Variants in NOSIP observed in about 807,000 individuals in gnomAD.
The protein encoded by NOSIP is nitric oxide synthase-interacting protein.
In NOSIP, 25 loss-of-function variants were observed where a neutral mutation model predicts 36.4. The ratio of observed to expected loss-of-function variants is 0.69; its 90% CI spans 0.50 to 0.96. The LOEUF (loss-of-function observed/expected upper bound fraction) is 0.96, where lower values mean the gene tolerates loss of function less well. NOSIP is among the 40% of genes least tolerant of loss of function. The pLI, the probability that NOSIP is intolerant of heterozygous loss-of-function variation, is 0.00. For synonymous variants in NOSIP, 187 were observed against 179.2 expected, an observed-to-expected ratio of 1.04 and a Z score of -0.35; for missense variants, 370 against 429.0, an observed-to-expected ratio of 0.86 and a Z score of 1.21.
chr19:49,571,843 G>C (rs1286159952), intron 1 of NOSIP, among the ~76,000 whole-genome samples: 1 of 151,756 alleles, frequency 6.6e-6, no homozygotes, highest in Non-Finnish European at 1.5e-5. Context: ...AAATTAGCTG[G>C]GTGTGTTGGT....
intron 1 of NOSIP, among the ~76,000 whole-genome samples, chr19:49,569,838 A>AC (rs770774515): frequency 3.4e-4 from 51 of 150,136 alleles, no homozygotes; most frequent in Admixed American, 7.3e-4. Context: ...AACAACAACA[A>AC]AAAAGAACAC....
intron 1 of NOSIP, among the ~76,000 whole-genome samples, chr19:49,567,591 G>A (rs758337740): frequency 6.6e-6 from 1 of 152,166 alleles, no homozygotes; most frequent in Non-Finnish European, 1.5e-5. Flanking sequence ...CCATGCTGTG[G>A]AAAATGTGCC....
At chr19:49,569,787 G>A (rs1356643231) in intron 1 of NOSIP, among the ~76,000 whole-genome samples, 1 of 151,734 alleles carries the variant, frequency 6.6e-6, no homozygotes, top group Non-Finnish European at 1.5e-5. Flanking sequence ...CAGCCTGGGG[G>A]ACAAGAGTGA....
chr19:49,560,586 A>C lies in NOSIP; in HGVS notation c.70+36T>G. 6.6e-7 allele frequency: 1 copy of C among 1,520,232 alleles called. No homozygotes were observed. 94.2% of individuals were successfully genotyped at this position (1,520,232 alleles called of 1,614,324 possible). ...AGGGGAGAGGGTGACTCCAAGACAC[A>C]GCCATGTCCCGCCTCTTCCCACCCC... On this transcript the variant is annotated intron_variant, in intron 2 of 8. Coordinates refer to ENST00000596358, the MANE Select transcript of NOSIP (RefSeq NM_001270960.2). This position sits in a 1 kb window ranked among gnomAD's most constrained non-coding sequence, Gnocchi z 4.6.
chr19:49,568,439 CCA>C (rs142712662), intron 1 of NOSIP, among the ~76,000 whole-genome samples: 3,964 of 152,146 alleles, frequency 0.026, 89 homozygotes, highest in Non-Finnish European at 0.038. Context: ...TTGTGTATTC[CCA>C]CACACACACT....
chr19:49,556,780 G>C, intron 6 of NOSIP, 44 bp from the exon 7 acceptor site: 2 of 1,584,984 alleles, frequency 1.3e-6, no homozygotes, highest in African/African-American at 2.7e-5. Flanking sequence ...CAGGGCTGGC[G>C]CAGGTGGAGA....
At position 49,572,866 on chromosome 19, in the gene NOSIP, C is replaced by T. The variant is rs1354566685; in HGVS notation, c.-2+7649G>A. 2.1e-5 allele frequency among the ~76,000 whole-genome samples: 3 copies of T among 146,058 alleles called. No individual in the cohort carries two copies. The Admixed American group carries it at 2.1e-4, about 10-fold the overall frequency. On this transcript the variant is annotated intron_variant, in intron 1 of 8. Coordinates refer to ENST00000596358, the MANE Select transcript of NOSIP (RefSeq NM_001270960.2). The stretch of plus-strand genomic sequence containing the variant: ...GCAGGTGCCTGTAGTCCCAGCTACT[C>T]GGGAGGCTGAGGCAGGAGAATCGCT...
At chr19:49,568,465 A>G (rs957726086) in intron 1 of NOSIP, among the ~76,000 whole-genome samples, 6 of 152,206 alleles carry the variant, frequency 3.9e-5, no homozygotes, top group Admixed American at 6.6e-5. Context: ...AGCAGAGTGC[A>G]GTTTCCTGGA....
intron 1 of NOSIP, among the ~76,000 whole-genome samples, chr19:49,572,107 T>C (rs908312759): frequency 1.3e-5 from 2 of 151,814 alleles, no homozygotes; most frequent in Non-Finnish European, 2.9e-5. Context: ...TTTTCTTTTT[T>C]TTTTCTTTTT....
chr19:49,568,291 G>C (rs912627795), intron 1 of NOSIP, among the ~76,000 whole-genome samples: 1 of 152,120 alleles, frequency 6.6e-6, no homozygotes, highest in Admixed American at 6.6e-5. Context: ...AGCGCCTTGT[G>C]AATTACTGTG....
chr19:49,555,610 C>G lies in NOSIP; in HGVS notation c.*141G>C. On this transcript the variant is annotated 3_prime_UTR_variant, in exon 9 of 9. Transcript: ENST00000596358. ...ATTCAATATGCTTAGCCCGCTCTTT[C>G]AAACTCCAGCGTGCGCTGTAGGAGC... The G allele has an allele frequency of 1.5e-6, 1 of 668,958 alleles. No homozygotes were observed. Among genetic ancestry groups the G allele is most frequent in the East Asian group, 2.8e-5 (1 of 35,232 alleles). The allele number at this position is 668,958 out of a possible 1,614,324, so 41.4% of individuals were successfully genotyped here. A position where few individuals can be genotyped will look rare whatever the true frequency, so the allele number is the denominator to read the frequency against.
chr19:49,574,759 G>T (rs914934863), intron 1 of NOSIP, among the ~76,000 whole-genome samples: 4 of 152,102 alleles, frequency 2.6e-5, no homozygotes, highest in African/African-American at 9.7e-5. Flanking sequence ...TGTCACCTAG[G>T]TTGGAGTGCA....
In NOSIP at chr19:49,560,374, G is replaced by T; in HGVS notation, c.70+248C>A. 1.7e-6 allele frequency: 1 copy of T among 582,952 alleles called. No individual in the cohort carries two copies. The highest frequency in any genetic ancestry group is 3.1e-6 in the Non-Finnish European group (1 of 326,234). 36.1% of individuals were successfully genotyped at this position (582,952 alleles called of 1,614,324 possible). On this transcript the variant is annotated intron_variant, in intron 2 of 8. Coordinates refer to ENST00000596358, the MANE Select transcript of NOSIP (RefSeq NM_001270960.2). The surrounding 1 kb of genome is among the most constrained non-coding windows in gnomAD (Gnocchi z 4.6). ...CTCAGTTTCTTCCTCTGGAACATGG[G>T]GTAACAAGAGCACCCTCCCTGACAC...
Position 49,557,085 on chromosome 19 carries a change from G to C in NOSIP, c.418+5C>G, listed in dbSNP as rs578168985. On this transcript the variant is annotated splice_donor_5th_base_variant and intron_variant, in intron 5 of 8. Coordinates refer to ENST00000596358, the MANE Select transcript of NOSIP (RefSeq NM_001270960.2). ...CCAACCCACAAGAAGCCCAACCTGA[G>C]TCACCTGGGCTGGTGCCCGAGAGGG... is the stretch of plus-strand genomic sequence containing the variant. The C allele has an allele frequency of 6.2e-7, 1 of 1,609,354 alleles. No individual in the cohort carries two copies. Among genetic ancestry groups the C allele is most frequent in the South Asian group, 1.1e-5 (1 of 90,356 alleles).
Position 49,557,135 on chromosome 19 carries a change from G to A in NOSIP, c.373C>T (p.Pro125Ser). The change falls in exon 5 of 9, where the codon CCC becomes TCC. Residue 125 changes from proline (P) to serine (S), a missense_variant. By Grantham distance (74) the Pro-to-Ser change is moderately conservative (BLOSUM62 -1). Transcript: ENST00000596358. ...LEKESAIVSR[P>S]LNPFTAKALS... Reference sequence around the variant, plus strand: ...GCCTTGGCTGTGAAAGGGTTGAGGGGCCGGCTCACGATAGCCGACTCCTTC... The same window carrying A: ...GCCTTGGCTGTGAAAGGGTTGAGGGACCGGCTCACGATAGCCGACTCCTTC... 6.2e-7 allele frequency: 1 copy of A among 1,612,672 alleles called. No homozygotes were observed.
At chr19:49,559,158 T>A (rs1370836356) in intron 3 of NOSIP, 180 bp from the exon 4 acceptor site, 1 of 619,958 alleles carries the variant, frequency 1.6e-6, no homozygotes, top group Non-Finnish European at 2.9e-6. Flanking sequence ...AGTGAAAGGA[T>A]GCAGATTAAA....
rs951121162 is a variant in NOSIP, at chr19:49,559,853, C to T, written c.176+81G>A. The stretch of plus-strand genomic sequence containing the variant: ...CAGGGTTCCCTGGCTGTGCAGGTGG[C>T]CAGACCCACGCACACAGCCTCCTCC... On this transcript the variant is annotated intron_variant, in intron 3 of 8. Coordinates refer to ENST00000596358, the MANE Select transcript of NOSIP (RefSeq NM_001270960.2). 4.0e-6 allele frequency: 4 copies of T among 1,008,822 alleles called. No homozygotes were observed. In the African/African-American group the frequency reaches 4.8e-5, roughly 12 times the overall value. The allele number at this position is 1,008,822 out of a possible 1,614,324, so 62.5% of individuals were successfully genotyped here. A position where few individuals can be genotyped will look rare whatever the true frequency, so the allele number is the denominator to read the frequency against.
chr19:49,560,208 C>A lies in NOSIP; in HGVS notation c.71-169G>T. On this transcript the variant is annotated intron_variant, in intron 2 of 8. Transcript: ENST00000596358. The surrounding 1 kb of genome is among the most constrained non-coding windows in gnomAD (Gnocchi z 4.6). ...CTGTGTGCTGGGGCCACGGGCTGAA[C>A]CCACAGGGAGTTGTCAACCCTGGAG... is the stretch of plus-strand genomic sequence containing the variant. The A allele has an allele frequency of 1.7e-6, 1 of 602,436 alleles. No individual in the cohort carries two copies. The allele number at this position is 602,436 out of a possible 1,614,324, so 37.3% of individuals were successfully genotyped here. A position where few individuals can be genotyped will look rare whatever the true frequency, so the allele number is the denominator to read the frequency against.
rs1228919982 is a variant in NOSIP, at chr19:49,560,754, C to T, written c.-1-62G>A. ...CGGAGGCAGGCAGCACAGGGAAGAC[C>T]TCTGCAGCCCTCAGAGCTGATCTGC... is the stretch of plus-strand genomic sequence containing the variant. On this transcript the variant is annotated intron_variant, in intron 1 of 8. Transcript: ENST00000596358. This position sits in a 1 kb window ranked among gnomAD's most constrained non-coding sequence, Gnocchi z 4.6. The T allele has an allele frequency of 5.6e-6, 7 of 1,239,306 alleles. No homozygotes were observed. Among genetic ancestry groups the T allele is most frequent in the Non-Finnish European group, 8.1e-6 (7 of 863,264 alleles). The allele number at this position is 1,239,306 out of a possible 1,614,324, so 76.8% of individuals were successfully genotyped here. A position where few individuals can be genotyped will look rare whatever the true frequency, so the allele number is the denominator to read the frequency against.
Sources: allele counts gnomAD v4.1 joint callset (sites outside exome capture counted in the v4.1 genomes callset), GRCh38; gene constraint gnomAD v4.1.1; non-coding constraint Gnocchi (gnomAD v3.1); transcripts MANE v1.5; gene names NCBI Gene and HGNC (gene_info 2026-07-23, HGNC 2026-07-21).